ATP5PO: variants seen among roughly 807,000 people sequenced by gnomAD.
ATP5PO encodes the protein ATP synthase peripheral stalk subunit OSCP, mitochondrial.
In ATP5PO, 14 loss-of-function variants were observed where a neutral mutation model predicts 26.2. That is an observed-to-expected ratio of 0.53 (90% CI 0.35 to 0.83). ATP5PO has a LOEUF of 0.83. Ranked by LOEUF, ATP5PO falls within the 40% of genes least tolerant of loss-of-function variation. The probability of loss-of-function intolerance (pLI) is 0.01; values close to 1 mark genes in which losing one functional copy is unlikely to be tolerated. For missense variants in ATP5PO, 241 were observed against 258.5 expected (o/e 0.93, Z 0.46); for synonymous variants, 106 against 95.1 (o/e 1.12, Z -0.67).
rs144166454 is a variant in ATP5PO at position 33,914,478 on chromosome 21, A to G, written c.59T>C (p.Val20Ala). 1.4e-5 allele frequency: 23 copies of G among 1,613,414 alleles called. No homozygotes were observed. Among genetic ancestry groups the G allele is most frequent in the Non-Finnish European group, 1.9e-5 (22 of 1,179,734 alleles). Residue 20 changes from valine (V) to alanine (A), a missense_variant, in exon 2 of 7, where the codon GTG becomes GCG. By Grantham distance (64) the Val-to-Ala change is moderately conservative. Around this residue, in one of 3 missense-constraint regions of ATP5PO, gnomAD observed 125 missense variants for 108.5 expected, o/e 1.15. Coordinates refer to ENST00000290299, the MANE Select transcript of ATP5PO (RefSeq NM_001697.3). ...CACAAGCTTGGCAAATGGTCTGACCACAGAGGTACTGAAGCATCGCACCTT... is the reference window on the plus strand; with the variant it reads ...CACAAGCTTGGCAAATGGTCTGACCGCAGAGGTACTGAAGCATCGCACCTT... ...SRQVRCFSTS[V>A]VRPFAKLVRP...
At chr21:33,905,497 C>T (rs1432130504) in intron 5 of ATP5PO, among the ~76,000 whole-genome samples, 1 of 152,202 alleles carries the variant, frequency 6.6e-6, no homozygotes, top group Non-Finnish European at 1.5e-5. Flanking sequence ...CTTAGTCACT[C>T]ATCAAGACAT....
intron 4 of ATP5PO, among the ~76,000 whole-genome samples, chr21:33,908,043 G>A (rs566997321): frequency 1.3e-5 from 2 of 150,730 alleles, no homozygotes; most frequent in Admixed American, 6.6e-5. Flanking sequence ...TGGCGCATGC[G>A]CGCAGTTCCA....
intron 5 of ATP5PO, among the ~76,000 whole-genome samples, chr21:33,904,833 C>A (rs1462003059): frequency 6.6e-6 from 1 of 152,174 alleles, no homozygotes; most frequent in African/African-American, 2.4e-5. Flanking sequence ...CTCCGCCTCC[C>A]AGGTTCAAGT....
intron 3 of ATP5PO, among the ~76,000 whole-genome samples, chr21:33,911,694 A>C (rs1987251536): frequency 1.3e-5 from 1 of 77,168 alleles, no homozygotes; most frequent in Admixed American, 1.9e-4. Context: ...TTTGAGACGG[A>C]GTCTCGTACC....
intron 4 of ATP5PO, 44 bp from the exon 5 acceptor site, chr21:33,907,497 C>T (rs1406112024): frequency 1.3e-6 from 2 of 1,524,040 alleles, no homozygotes; most frequent in East Asian, 2.3e-5. Context: ...CTCACCTGAA[C>T]AAGTTATTCA....
intron 3 of ATP5PO, among the ~76,000 whole-genome samples, chr21:33,910,648 C>T (rs1313201322): frequency 2.0e-5 from 3 of 152,282 alleles, no homozygotes; most frequent in Middle Eastern, 3.4e-3. Context: ...AGACAATAAC[C>T]ATCACCTCCA....
intron 1 of ATP5PO, chr21:33,915,470 C>A: frequency 1.9e-6 from 1 of 538,234 alleles, no homozygotes; most frequent in Admixed American, 4.1e-5. Context: ...TCCTGCGCCC[C>A]TCAGGCTAGC....
At chr21:33,903,837 A>T in intron 6 of ATP5PO, 98 bp downstream of exon 6, 1 of 1,173,192 alleles carries the variant, frequency 8.5e-7, no homozygotes, top group Non-Finnish European at 1.2e-6. Context: ...CAGAAAAATT[A>T]GTATAGAGTT....
chr21:33,915,540 A>G (rs781466731), intron 1 of ATP5PO, 188 bp downstream of exon 1: 5 of 831,110 alleles, frequency 6.0e-6, no homozygotes, highest in Non-Finnish European at 9.0e-6. Flanking sequence ...CCCCGCGCCT[A>G]CTGCCCCGTA....
intron 1 of ATP5PO, chr21:33,914,742 G>T: frequency 2.1e-6 from 1 of 482,736 alleles, no homozygotes; most frequent in South Asian, 3.1e-5. Flanking sequence ...GCTAGGAATG[G>T]ACCGAGGCTA....
chr21:33,905,013 T>C (rs1475527221), intron 5 of ATP5PO, among the ~76,000 whole-genome samples: 1 of 152,106 alleles, frequency 6.6e-6, no homozygotes, highest in African/African-American at 2.4e-5. Flanking sequence ...AATGCTGGGG[T>C]TACAAGTGTG....
intron 4 of ATP5PO, chr21:33,908,785 A>G (rs527792248): frequency 3.6e-6 from 1 of 277,074 alleles, no homozygotes; most frequent in African/African-American, 2.2e-5. Context: ...CAGGCCACGA[A>G]CCATTTTCTT....
At chr21:33,909,455 G>C (rs1199344480) in intron 3 of ATP5PO, among the ~76,000 whole-genome samples, 1 of 152,078 alleles carries the variant, frequency 6.6e-6, no homozygotes, top group African/African-American at 2.4e-5. Context: ...TAGTAGAAAC[G>C]GGGTTTCGCC....
chr21:33,903,840 A>G, intron 6 of ATP5PO, 95 bp downstream of exon 6: 1 of 1,188,668 alleles, frequency 8.4e-7, no homozygotes, highest in Non-Finnish European at 1.2e-6. Flanking sequence ...AAAAATTAGT[A>G]TAGAGTTAGA....
intron 2 of ATP5PO, among the ~76,000 whole-genome samples, chr21:33,912,776 T>TA (rs1247010555): frequency 6.6e-6 from 1 of 152,256 alleles, no homozygotes; most frequent in African/African-American, 2.4e-5. Context: ...TGAACACTGA[T>TA]AGACAGTTTC....
chr21:33,913,887 C>A (rs1987280121), intron 2 of ATP5PO, among the ~76,000 whole-genome samples: 1 of 151,932 alleles, frequency 6.6e-6, no homozygotes, highest in Non-Finnish European at 1.5e-5. Context: ...TCAAGCAATT[C>A]TCCTACCTCA....
intron 5 of ATP5PO, among the ~76,000 whole-genome samples, chr21:33,905,270 G>A (rs1987154987): frequency 6.6e-6 from 1 of 152,064 alleles, no homozygotes; most frequent in African/African-American, 2.4e-5. Flanking sequence ...ACTGAGACAT[G>A]TACCAACTGC....
At position 33,903,583 on chromosome 21, in the gene ATP5PO, G is replaced by A. The variant is rs1006104156; in HGVS notation, c.585C>T (p.Asp195=). 35 of 1,614,156 alleles carry A rather than the reference G, an allele frequency of 2.2e-5. No homozygotes were observed. Among genetic ancestry groups the A allele is most frequent in the Non-Finnish European group, 3.0e-5 (35 of 1,180,020 alleles). The stretch of plus-strand genomic sequence containing the variant: ...TCTGAATCTTGGTCTTGACAGACAT[G>A]TCAACATATTTCTCGCCAATGCGCA... The part of the protein sequence containing the change: ...MIVRIGEKYV[D]MSVKTKIQKL... The change falls in exon 7 of 7, where the codon GAC becomes GAT. Residue 195 remains aspartate (D), a synonymous_variant. Transcript: ENST00000290299.
chr21:33,904,403 A>G (rs1307251507), intron 5 of ATP5PO, among the ~76,000 whole-genome samples: 2 of 152,236 alleles, frequency 1.3e-5, no homozygotes, highest in Non-Finnish European at 2.9e-5. Context: ...TCCTGGGTGC[A>G]GCCCTGGGGA....
Sources: gnomAD v4.1 joint callset for allele counts (sites outside exome capture counted in the v4.1 genomes callset) on GRCh38, gnomAD v4.1.1 for gene constraint, gnomAD v4.1.1 regional missense constraint, MANE v1.5 for transcripts, NCBI Gene and HGNC (gene_info 2026-07-23, HGNC 2026-07-21) for gene names.